Variants in SAYSD1 observed in about 807,000 individuals in gnomAD.
SAYSD1 encodes the protein SAYSVFN motif domain containing 1, also known as SAYSvFN domain-containing protein 1.
A neutral mutation model predicts 14.5 loss-of-function variants in SAYSD1; 15 were observed. That is an observed-to-expected ratio of 1.03 (90% confidence interval 0.69 to 1.59). The LOEUF is 1.59. Ranked by LOEUF, SAYSD1 falls within the 40% of genes most tolerant of loss-of-function variation. The pLI, the probability that SAYSD1 is intolerant of heterozygous loss-of-function variation, is 0.00. For missense variants in SAYSD1, 247 were observed against 227.3 expected, an observed-to-expected ratio of 1.09 and a Z score of -0.56; for synonymous variants, 105 against 102.6, an observed-to-expected ratio of 1.02 and a Z score of -0.14.
intron 1 of SAYSD1, among the ~76,000 whole-genome samples, 200 bp from the exon 2 acceptor site, chr6:39,105,976 T>C (rs1769495765): frequency 1.3e-5 from 2 of 152,196 alleles, no homozygotes; most frequent in South Asian, 4.1e-4. Context: ...TGATCAGCAC[T>C]TAGTGAGATG....
intron 1 of SAYSD1, chr6:39,110,421 G>T: frequency 5.6e-6 from 1 of 180,162 alleles, no homozygotes; most frequent in South Asian, 1.5e-4. Context: ...GGTGACAAAT[G>T]AAACAGGATG....
intron 1 of SAYSD1, among the ~76,000 whole-genome samples, chr6:39,106,400 G>T (rs1457684946): frequency 6.6e-6 from 1 of 152,050 alleles, no homozygotes; most frequent in Non-Finnish European, 1.5e-5. Context: ...GGTGGCACAC[G>T]ACTGTAATCC....
Position 39,105,542 on chromosome 6 carries a change from C to T in SAYSD1, c.442G>A (p.Glu148Lys). The change falls in exon 2 of 2, where the codon GAG becomes AAG. Residue 148 changes from glutamate to lysine, a missense_variant. Glu to Lys is a moderately conservative substitution (Grantham distance 56). Transcript: ENST00000229903. ...TRGPEEKKEG[E>K]KSAYSVFNPG... The stretch of plus-strand genomic sequence containing the variant: ...TTGAACACAGAGTAGGCGCTCTTCT[C>T]TCCCTCTTTCTTCTCTTCAGGGCCT... The T allele has an allele frequency of 6.2e-7, 1 of 1,614,246 alleles. No homozygotes were observed. Among genetic ancestry groups the T allele is most frequent in the Non-Finnish European group, 8.5e-7 (1 of 1,180,050 alleles).
In SAYSD1 at chr6:39,104,821, G is replaced by A. The variant is rs566227032; in HGVS notation, c.*611C>T. 1 of 152,738 alleles carries A rather than the reference G, an allele frequency of 6.5e-6. No homozygotes were observed. Among genetic ancestry groups the A allele is most frequent in the Middle Eastern group, 3.4e-3 (1 of 290 alleles). 9.5% of individuals were successfully genotyped at this position (152,738 alleles called of 1,614,324 possible). A position where few individuals can be genotyped will look rare whatever the true frequency, so the allele number is the denominator to read the frequency against. On this transcript the variant is annotated 3_prime_UTR_variant, in exon 2 of 2. Transcript: ENST00000229903. ...TTGTCTCTTCCTACCTTCCTTTACT[G>A]AGTAGTGGCAAAATAATAGGAGAGT... is the stretch of plus-strand genomic sequence containing the variant.
Position 39,104,845 on chromosome 6 carries a change from G to A in SAYSD1, c.*587C>T, listed in dbSNP as rs1366453176. 1 of 152,810 alleles carries A rather than the reference G, an allele frequency of 6.5e-6. No individual in the cohort carries two copies. The highest frequency in any genetic ancestry group is 2.4e-5 in the African/African-American group (1 of 41,300). The allele number at this position is 152,810 out of a possible 1,614,324, so 9.5% of individuals were successfully genotyped here. On this transcript the variant is annotated 3_prime_UTR_variant, in exon 2 of 2. Transcript: ENST00000229903. ...TGAGTAGTGGCAAAATAATAGGAGA[G>A]TGGAAGATGGTGATGGGCAATGAAG...
At chr6:39,114,747 G>T in intron 1 of SAYSD1, 136 bp downstream of exon 1, 1 of 799,494 alleles carries the variant, frequency 1.3e-6, no homozygotes, top group Non-Finnish European at 2.0e-6. Flanking sequence ...GGAGATGAGC[G>T]GTCCGGCCCT....
At chr6:39,114,675 T>C (rs1466405650) in intron 1 of SAYSD1, among the ~76,000 whole-genome samples, 1 of 152,238 alleles carries the variant, frequency 6.6e-6, no homozygotes, top group African/African-American at 2.4e-5. Flanking sequence ...AATCAGGACC[T>C]GCGTGGGTCG....
intron 1 of SAYSD1, among the ~76,000 whole-genome samples, chr6:39,110,139 T>C (rs1157266075): frequency 6.6e-6 from 1 of 152,152 alleles, no homozygotes; most frequent in Non-Finnish European, 1.5e-5. Flanking sequence ...GATTTCAGTA[T>C]ATGTGCACAG....
chr6:39,108,084 A>G (rs1282781303), intron 1 of SAYSD1, among the ~76,000 whole-genome samples: 1 of 152,172 alleles, frequency 6.6e-6, no homozygotes, highest in Non-Finnish European at 1.5e-5. Context: ...ACTGATGGAC[A>G]CAAAATACAT....
In SAYSD1 at chr6:39,105,567, T is replaced by C. The variant is rs772466971; in HGVS notation, c.417A>G (p.Arg139=). The C allele has an allele frequency of 3.7e-6, 6 of 1,614,134 alleles. No individual in the cohort carries two copies. Among genetic ancestry groups the C allele is most frequent in the Non-Finnish European group, 4.2e-6 (5 of 1,179,990 alleles). The change falls in exon 2 of 2, where the codon CGA becomes CGG. Residue 139 remains arginine, a synonymous_variant. Transcript: ENST00000229903. Reference sequence around the variant, plus strand: ...CTCCCTCTTTCTTCTCTTCAGGGCCTCGTGTCCCGACGTACATCCAATAGA... The same window carrying C: ...CTCCCTCTTTCTTCTCTTCAGGGCCCCGTGTCCCGACGTACATCCAATAGA... ...SLFYWMYVGT[R]GPEEKKEGEK... is the part of the protein sequence containing the mutation.
intron 1 of SAYSD1, chr6:39,109,411 G>A (rs1769583857): frequency 1.9e-6 from 3 of 1,543,238 alleles, no homozygotes; most frequent in South Asian, 1.2e-5. Flanking sequence ...GGAGGATGTA[G>A]ATACTTCCTC....
rs779525264 is a variant in SAYSD1, at chr6:39,115,075, T to C, written c.15A>G (p.Leu5=). MEQR[L]AEFRAARKRA... is the part of the protein sequence containing the mutation. ...GTTTCCGCGCCGCCCGAAACTCAGC[T>C]AACCGCTGTTCCATGGCGCGCGCCT... The change falls in exon 1 of 2, where the codon TTA becomes TTG. Residue 5 remains leucine (L), a synonymous_variant. Transcript: ENST00000229903. 12 of 1,607,476 alleles carry C rather than the reference T, an allele frequency of 7.5e-6. No homozygotes were observed. Among genetic ancestry groups the C allele is most frequent in the Admixed American group, 1.7e-5 (1 of 59,960 alleles).
Position 39,115,093 on chromosome 6 carries a change from G to A in SAYSD1, c.-4C>T, listed in dbSNP as rs764107592. 4 of 1,599,054 alleles carry A rather than the reference G, an allele frequency of 2.5e-6. No individual in the cohort carries two copies. Among genetic ancestry groups the A allele is most frequent in the South Asian group, 1.1e-5 (1 of 90,798 alleles). On this transcript the variant is annotated 5_prime_UTR_variant, in exon 1 of 2. Transcript: ENST00000229903. The stretch of plus-strand genomic sequence containing the variant: ...ACTCAGCTAACCGCTGTTCCATGGC[G>A]CGCGCCTCGCGTCCGTTGGCCGATA...
Position 39,115,080 on chromosome 6 carries a change from G to A in SAYSD1, c.10C>T (p.Arg4Trp), listed in dbSNP as rs370887607. 6 of 1,605,774 alleles carry A rather than the reference G, an allele frequency of 3.7e-6. No individual in the cohort carries two copies. The highest frequency in any genetic ancestry group is 3.3e-5 in the Admixed American group (2 of 59,924). The change falls in exon 1 of 2, where the codon CGG becomes TGG. Residue 4 changes from arginine (R) to tryptophan (W), a missense_variant. Physicochemically the swap from Arg to Trp is moderately radical, Grantham distance 101. Transcript: ENST00000229903. ...CGCGCCGCCCGAAACTCAGCTAACCGCTGTTCCATGGCGCGCGCCTCGCGT... is the reference window on the plus strand; with the variant it reads ...CGCGCCGCCCGAAACTCAGCTAACCACTGTTCCATGGCGCGCGCCTCGCGT... MEQ[R>W]LAEFRAARKR...
chr6:39,114,759 G>T, intron 1 of SAYSD1, 124 bp downstream of exon 1: 1 of 924,796 alleles, frequency 1.1e-6, no homozygotes, highest in Non-Finnish European at 1.7e-6. Context: ...TCCGGCCCTC[G>T]ATCAGGATGG....
chr6:39,109,306 A>G (rs977101231), intron 1 of SAYSD1: 3 of 1,550,676 alleles, frequency 1.9e-6, no homozygotes, highest in African/African-American at 1.4e-5. Context: ...GGAATTTTTA[A>G]AAGTTACCAG....
At chr6:39,106,686 T>G (rs751506647) in intron 1 of SAYSD1, among the ~76,000 whole-genome samples, 2 of 152,212 alleles carry the variant, frequency 1.3e-5, no homozygotes, top group Non-Finnish European at 2.9e-5. Flanking sequence ...AGCCATCCTA[T>G]GTACAACTGC....
Position 39,114,974 on chromosome 6 carries a change from G to A in SAYSD1, c.116C>T (p.Ala39Val). The A allele has an allele frequency of 3.1e-6, 5 of 1,613,900 alleles. No homozygotes were observed. The highest frequency in any genetic ancestry group is 1.1e-5 in the South Asian group (1 of 91,076). ...CCAGCCTGGGGCTGCCTTTAGAGTCGCTGCTGCTTCCGCCTTCTCTCCTGG... is the reference window on the plus strand; with the variant it reads ...CCAGCCTGGGGCTGCCTTTAGAGTCACTGCTGCTTCCGCCTTCTCTCCTGG... ...QTPGEKAEAAATLKAAPGWLK... is the reference protein window; with the variant it reads ...QTPGEKAEAAVTLKAAPGWLK... The change falls in exon 1 of 2, where the codon GCG (alanine) becomes GTG (valine). Residue 39 changes from alanine (A) to valine (V), a missense_variant. Transcript: ENST00000229903.
intron 1 of SAYSD1, 74 bp from the exon 2 acceptor site, chr6:39,105,850 G>T: frequency 1.4e-6 from 2 of 1,399,352 alleles, no homozygotes; most frequent in Non-Finnish European, 2.0e-6. Flanking sequence ...ATCTGAAAAG[G>T]CAGTTTTCAT....
Sources: gnomAD v4.1 joint callset for allele counts (sites outside exome capture counted in the v4.1 genomes callset) on GRCh38, gnomAD v4.1.1 for gene constraint, MANE v1.5 for transcripts, NCBI Gene and HGNC (gene_info 2026-07-23, HGNC 2026-07-21) for gene names.